SERPINA10: variants seen among roughly 807,000 people sequenced by gnomAD.
SERPINA10 encodes the protein serpin family A member 10.
A neutral mutation model predicts 28.0 loss-of-function variants in SERPINA10; 24 were observed. That is an observed-to-expected ratio of 0.86 (90% CI 0.62 to 1.20). The LOEUF (loss-of-function observed/expected upper bound fraction) is 1.20, where lower values mean the gene tolerates loss of function less well. Among genes scored for constraint, SERPINA10 ranks in the 50% most tolerant of loss-of-function variants. The pLI, the probability that SERPINA10 is intolerant of heterozygous loss-of-function variation, is 0.00. For synonymous variants in SERPINA10, 207 were observed against 203.9 expected (o/e 1.02, Z -0.13); for missense variants, 521 against 537.7 (o/e 0.97, Z 0.31).
At chr14:94,292,364 C>G (rs1293500068) in intron 1 of SERPINA10, among the ~76,000 whole-genome samples, 2 of 152,148 alleles carry the variant, frequency 1.3e-5, no homozygotes, top group Non-Finnish European at 2.9e-5. Context: ...CACGCTGGCA[C>G]CCTGACTCGG....
At chr14:94,284,737 A>G (rs1228651032) in intron 4 of SERPINA10, among the ~76,000 whole-genome samples, 1 of 152,186 alleles carries the variant, frequency 6.6e-6, no homozygotes, top group Non-Finnish European at 1.5e-5. Context: ...TACAGAAACA[A>G]GATGTGATAT....
chr14:94,283,960 C>A lies in SERPINA10; in HGVS notation c.*5G>T, dbSNP rs1894957228. The stretch of plus-strand genomic sequence containing the variant: ...ACAGCACGAAGTGCTTATGCGTGTC[C>A]TGAATTATAGGAGAGTCGGATTCAC... On this transcript the variant is annotated 3_prime_UTR_variant, in exon 5 of 5. Coordinates refer to ENST00000261994, the MANE Select transcript of SERPINA10 (RefSeq NM_001100607.3). 6.2e-7 allele frequency: 1 copy of A among 1,613,778 alleles called. No individual in the cohort carries two copies. Among genetic ancestry groups the A allele is most frequent in the South Asian group, 1.1e-5 (1 of 91,080 alleles).
rs372508508 is a variant in SERPINA10 at position 94,290,596 on chromosome 14, G to C, written c.-3C>G. On this transcript the variant is annotated 5_prime_UTR_variant, in exon 2 of 5. The change creates a new upstream start codon in the 5' untranslated region. Transcript: ENST00000261994. The stretch of plus-strand genomic sequence containing the variant: ...AGGAGACTTGGCACCACCTTCATGT[G>C]ATCGGCTGCGGAGGCCAAGGAGTGC... 3.0e-5 allele frequency: 49 copies of C among 1,613,094 alleles called. No homozygotes were observed. The highest frequency in any genetic ancestry group is 1.6e-4 in the Middle Eastern group (1 of 6,080).
intron 2 of SERPINA10, among the ~76,000 whole-genome samples, chr14:94,288,946 A>G (rs1895092868): frequency 6.6e-6 from 1 of 152,168 alleles, no homozygotes; most frequent in South Asian, 2.1e-4. Context: ...GGCACCTCTG[A>G]CTGCCACTTT....
At chr14:94,292,708 G>A (rs369115968) in intron 1 of SERPINA10, 3 of 701,510 alleles carry the variant, frequency 4.3e-6, no homozygotes, top group Admixed American at 2.0e-5. Context: ...TAAAGTCTTT[G>A]CTCATCTACC....
rs1411081389 is a variant in SERPINA10, at chr14:94,290,299, C to A, written c.295G>T (p.Val99Phe). The A allele has an allele frequency of 5.0e-6, 8 of 1,614,128 alleles. No individual in the cohort carries two copies. The highest frequency in any genetic ancestry group is 6.8e-6 in the Non-Finnish European group (8 of 1,180,060). ...AAGGACATGCCAAATGGAGAGAAGA[C>A]CATGTTGCCATCGTGCCTCATGGAG... is the stretch of plus-strand genomic sequence containing the variant. Reference protein sequence around the residue: ...KISMRHDGNMVFSPFGMSLAM... With the variant: ...KISMRHDGNMFFSPFGMSLAM... The change falls in exon 2 of 5, where the codon GTC (valine) becomes TTC (phenylalanine). Residue 99 changes from valine to phenylalanine, a missense_variant. By Grantham distance (50) the Val-to-Phe change is conservative (BLOSUM62 -1). Coordinates refer to ENST00000261994, the MANE Select transcript of SERPINA10 (RefSeq NM_001100607.3).
Position 94,284,026 on chromosome 14 carries a change from T to A in SERPINA10, c.1274A>T (p.Tyr425Phe), listed in dbSNP as rs1289307661. 6.2e-7 allele frequency: 1 copy of A among 1,614,064 alleles called. No individual in the cohort carries two copies. Among genetic ancestry groups the A allele is most frequent in the African/African-American group, 1.3e-5 (1 of 74,926 alleles). ...CAGAAGCATTCCAGAGGTTTCTTCA[T>A]AGATCATGAAATGAAATGGCCGGTC... Reference protein sequence around the residue: ...KVDRPFHFMIYEETSGMLLFL... With the variant: ...KVDRPFHFMIFEETSGMLLFL... Residue 425 changes from tyrosine to phenylalanine, a missense_variant, in exon 5 of 5, where the codon TAT becomes TTT. Tyr to Phe is a conservative substitution (Grantham distance 22). Transcript: ENST00000261994.
chr14:94,282,832 AAGG>A lies in SERPINA10; in HGVS notation c.*1130_*1132del, dbSNP rs1392146540. On this transcript the variant is annotated 3_prime_UTR_variant, in exon 5 of 5. Transcript: ENST00000261994. ...TAGAACATATATATCTTCATGAAGG[AAGG>A]AGGAGTCTACAAGGTTAAACGTGCC... 1 of 152,192 alleles carries A rather than the reference AAGG, an allele frequency of 6.6e-6. No individual in the cohort carries two copies. Among genetic ancestry groups the A allele is most frequent in the Non-Finnish European group, 1.5e-5 (1 of 68,026 alleles). The allele number at this position is 152,192 out of a possible 1,614,324, so 9.4% of individuals were successfully genotyped here.
At position 94,283,814 on chromosome 14, in the gene SERPINA10, T is replaced by C. The variant is rs1894953652; in HGVS notation, c.*151A>G. On this transcript the variant is annotated 3_prime_UTR_variant, in exon 5 of 5. Transcript: ENST00000261994. ...TTTGAATGTATCCCCCTCAGATAAG[T>C]GGGGACTACTGTATTTATTTGAGAA... 1.4e-6 allele frequency: 1 copy of C among 727,854 alleles called. No homozygotes were observed. Among genetic ancestry groups the C allele is most frequent in the Admixed American group, 2.2e-5 (1 of 45,262 alleles). 45.1% of individuals were successfully genotyped at this position (727,854 alleles called of 1,614,324 possible). A position where few individuals can be genotyped will look rare whatever the true frequency, so the allele number is the denominator to read the frequency against.
intron 1 of SERPINA10, 166 bp downstream of exon 1, chr14:94,293,023 A>G: frequency 3.4e-6 from 1 of 296,080 alleles, no homozygotes; most frequent in Non-Finnish European, 6.7e-6. Context: ...ACCCCACTCC[A>G]GCTCCCAATC....
Position 94,284,047 on chromosome 14 carries a change from C to T in SERPINA10, c.1253G>A (p.Arg418Gln), listed in dbSNP as rs190358836. The stretch of plus-strand genomic sequence containing the variant: ...TTCATAGATCATGAAATGAAATGGC[C>T]GGTCCACTTTGATGACAGGAGGCAT... Reference protein sequence around the residue: ...YSMPPVIKVDRPFHFMIYEET... With the variant: ...YSMPPVIKVDQPFHFMIYEET... Residue 418 changes from arginine (R) to glutamine (Q), a missense_variant, in exon 5 of 5, where the codon CGG (arginine) becomes CAG (glutamine). Arg to Gln is a conservative substitution (Grantham distance 43, BLOSUM62 1). Transcript: ENST00000261994. The T allele has an allele frequency of 6.8e-5, 109 of 1,614,158 alleles. No individual in the cohort carries two copies. Among genetic ancestry groups the T allele is most frequent in the South Asian group, 1.4e-4 (13 of 91,080 alleles).
chr14:94,291,603 C>A lies in SERPINA10; in HGVS notation c.-50-960G>T, dbSNP rs1174167247. Among the ~76,000 whole-genome samples, 3 of 152,218 alleles carry A rather than the reference C, an allele frequency of 2.0e-5. No individual in the cohort carries two copies. The East Asian group carries it at 5.8e-4, about 29-fold the overall frequency. On this transcript the variant is annotated intron_variant, in intron 1 of 4. Coordinates refer to ENST00000261994, the MANE Select transcript of SERPINA10 (RefSeq NM_001100607.3). ...TGGCTGGGCAGAACCCCTGGGACAC[C>A]TGCCCTCCCTCATCCTCTCTCTGGG...
At position 94,290,758 on chromosome 14, in the gene SERPINA10, G is replaced by A. The variant is rs1416720562; in HGVS notation, c.-50-115C>T. 3 of 1,140,250 alleles carry A rather than the reference G, an allele frequency of 2.6e-6. No homozygotes were observed. In the African/African-American group the frequency reaches 4.6e-5, roughly 18 times the overall value. The allele number at this position is 1,140,250 out of a possible 1,614,324, so 70.6% of individuals were successfully genotyped here. A position where few individuals can be genotyped will look rare whatever the true frequency, so the allele number is the denominator to read the frequency against. ...CCTGTGGCTCAAGTAGGTTAGCCCT[G>A]CCCCAGGGAGACCTAGAGCAAGTGT... On this transcript the variant is annotated intron_variant, in intron 1 of 4. Coordinates refer to ENST00000261994, the MANE Select transcript of SERPINA10 (RefSeq NM_001100607.3).
At chr14:94,289,498 A>G (rs1287085117) in intron 2 of SERPINA10, among the ~76,000 whole-genome samples, 1 of 152,166 alleles carries the variant, frequency 6.6e-6, no homozygotes, top group African/African-American at 2.4e-5. Flanking sequence ...GAGTGTCCCT[A>G]TTTTCTATAA....
chr14:94,286,355 T>C, intron 3 of SERPINA10, 97 bp from the exon 4 acceptor site: 1 of 1,325,900 alleles, frequency 7.5e-7, no homozygotes, highest in Non-Finnish European at 1.1e-6. Context: ...ATTATTTCCA[T>C]TAATGAGTCT....
At chr14:94,292,860 C>T in intron 1 of SERPINA10, 1 of 575,130 alleles carries the variant, frequency 1.7e-6, no homozygotes, top group Non-Finnish European at 3.1e-6. Flanking sequence ...AGCCCTGGGA[C>T]AGCACACATC....
At position 94,283,895 on chromosome 14, in the gene SERPINA10, T is replaced by C. The variant is rs1470893697; in HGVS notation, c.*70A>G. On this transcript the variant is annotated 3_prime_UTR_variant, in exon 5 of 5. Transcript: ENST00000261994. ...ACTCTCCCCTGCCATCCATTGCTGGTATCCTGTGTGTGTTTGATACCTCAG... is the reference window on the plus strand; with the variant it reads ...ACTCTCCCCTGCCATCCATTGCTGGCATCCTGTGTGTGTTTGATACCTCAG... 1 of 1,457,226 alleles carries C rather than the reference T, an allele frequency of 6.9e-7. No homozygotes were observed. Among genetic ancestry groups the C allele is most frequent in the South Asian group, 1.1e-5 (1 of 87,754 alleles). The allele number at this position is 1,457,226 out of a possible 1,614,324, so 90.3% of individuals were successfully genotyped here.
Position 94,283,852 on chromosome 14 carries a change from G to T in SERPINA10, c.*113C>A. On this transcript the variant is annotated 3_prime_UTR_variant, in exon 5 of 5. Coordinates refer to ENST00000261994, the MANE Select transcript of SERPINA10 (RefSeq NM_001100607.3). ...ATTTATTTGAGAACACCCTAAACTA[G>T]TTAAGAACAAAAGGAACACTCTCCC... 9.2e-7 allele frequency: 1 copy of T among 1,086,630 alleles called. No individual in the cohort carries two copies. The highest frequency in any genetic ancestry group is 1.8e-5 in the Admixed American group (1 of 56,460). 67.3% of individuals were successfully genotyped at this position (1,086,630 alleles called of 1,614,324 possible).
At position 94,281,178 on chromosome 14, in the gene SERPINA10, T is replaced by G. The variant is rs1317097131; in HGVS notation, c.*2787A>C. The G allele has an allele frequency of 6.6e-6, 1 of 152,428 alleles. No individual in the cohort carries two copies. Among genetic ancestry groups the G allele is most frequent in the African/African-American group, 2.4e-5 (1 of 41,468 alleles). The allele number at this position is 152,428 out of a possible 1,614,324, so 9.4% of individuals were successfully genotyped here. A position where few individuals can be genotyped will look rare whatever the true frequency, so the allele number is the denominator to read the frequency against. On this transcript the variant is annotated 3_prime_UTR_variant, in exon 5 of 5. Coordinates refer to ENST00000261994, the MANE Select transcript of SERPINA10 (RefSeq NM_001100607.3). ...TTGGCCGGGCGTGGTGGCTCATGCCTGTAATCCCAGCACTTTGGGAGGCCG... is the reference window on the plus strand; with the variant it reads ...TTGGCCGGGCGTGGTGGCTCATGCCGGTAATCCCAGCACTTTGGGAGGCCG...
Sources: allele counts gnomAD v4.1 joint callset (sites outside exome capture counted in the v4.1 genomes callset), GRCh38; gene constraint gnomAD v4.1.1; transcripts MANE v1.5; gene names NCBI Gene and HGNC (gene_info 2026-07-23, HGNC 2026-07-21).